Variants in FILIP1 observed in about 807,000 individuals in gnomAD.
FILIP1 encodes filamin-A-interacting protein 1.
A neutral mutation model predicts 102.1 loss-of-function variants in FILIP1; 61 were observed. That is an observed-to-expected ratio of 0.60 (90% CI 0.49 to 0.74). The LOEUF (loss-of-function observed/expected upper bound fraction) is 0.74, where lower values mean the gene tolerates loss of function less well. Among genes scored for constraint, FILIP1 ranks in the 30% least tolerant of loss-of-function variants. The pLI is 0.00. For missense variants in FILIP1, 1,314 were observed against 1,441.2 expected, an observed-to-expected ratio of 0.91 and a Z score of 1.43; for synonymous variants, 491 against 526.9, an observed-to-expected ratio of 0.93 and a Z score of 0.93.
At chr6:75,481,196 G>A (rs964785876) in intron 1 of FILIP1, among the ~76,000 whole-genome samples, 2 of 152,118 alleles carry the variant, frequency 1.3e-5, no homozygotes, top group African/African-American at 4.8e-5. Context: ...ACTTGGTGTT[G>A]AAATTGCCAT....
At chr6:75,307,551 T>C (rs573172209), downstream of FILIP1, among the ~76,000 whole-genome samples, 1 of 152,342 alleles carries the variant, frequency 6.6e-6, no homozygotes, top group East Asian at 1.9e-4. Flanking sequence ...AACTCGTTTG[T>C]GGTTATGTGG....
intron 2 of FILIP1, among the ~76,000 whole-genome samples, chr6:75,412,995 T>C (rs1777128649): frequency 6.6e-6 from 1 of 152,214 alleles, no homozygotes; most frequent in Non-Finnish European, 1.5e-5. Flanking sequence ...ATGCATTTCT[T>C]TGGAGCCATC....
At position 75,312,589 on chromosome 6, in the gene FILIP1, A is replaced by C. The variant is rs778327637; in HGVS notation, c.3243T>G (p.Thr1081=). The change falls in exon 5 of 6, where the codon ACT becomes ACG. Residue 1081 remains threonine (T), a synonymous_variant. Coordinates refer to ENST00000237172, the MANE Select transcript of FILIP1 (RefSeq NM_015687.5). ...TAACTGGACTGACTCCTTCACCTGA[A>C]GTCCCAGGGGACCGTTTAAACTGAG... ...LGSQFKRSPG[T]SGEGVSPVIT... The C allele has an allele frequency of 6.2e-7, 1 of 1,614,080 alleles. No individual in the cohort carries two copies. The highest frequency in any genetic ancestry group is 1.3e-5 in the African/African-American group (1 of 74,930).
At chr6:75,417,731 A>G (rs1478037055) in intron 1 of FILIP1, among the ~76,000 whole-genome samples, 3 of 152,224 alleles carry the variant, frequency 2.0e-5, no homozygotes, top group African/African-American at 7.2e-5. Flanking sequence ...AATAAATTAA[A>G]TATCTTTTCC....
At chr6:75,346,967 A>G (rs1336132076) in intron 4 of FILIP1, among the ~76,000 whole-genome samples, 1 of 150,852 alleles carries the variant, frequency 6.6e-6, no homozygotes, top group Non-Finnish European at 1.5e-5. Context: ...AATTTCCTTC[A>G]TCAGTGGGAT....
chr6:75,377,874 C>G (rs1775795156), intron 2 of FILIP1, among the ~76,000 whole-genome samples: 1 of 152,188 alleles, frequency 6.6e-6, no homozygotes, highest in South Asian at 2.1e-4. Flanking sequence ...AAATTTCTGT[C>G]AAATCTCTCC....
intron 4 of FILIP1, among the ~76,000 whole-genome samples, chr6:75,345,760 G>A (rs1210015162): frequency 6.6e-6 from 1 of 152,046 alleles, no homozygotes; most frequent in Non-Finnish European, 1.5e-5. Flanking sequence ...AGAGACAGCT[G>A]CTCTCCTCTC....
intron 4 of FILIP1, chr6:75,320,084 C>A: frequency 4.5e-6 from 1 of 224,656 alleles, no homozygotes; most frequent in Admixed American, 4.7e-5. Flanking sequence ...AATGGCTGTC[C>A]CAACTTATAA....
At chr6:75,318,886 A>G (rs1773536295) in intron 4 of FILIP1, among the ~76,000 whole-genome samples, 1 of 152,136 alleles carries the variant, frequency 6.6e-6, no homozygotes, top group African/African-American at 2.4e-5. Context: ...TAGAGTGTTA[A>G]CTATACAAAA....
chr6:75,397,138 A>G (rs1776488935), intron 2 of FILIP1, among the ~76,000 whole-genome samples: 2 of 152,138 alleles, frequency 1.3e-5, no homozygotes, highest in South Asian at 4.1e-4. Flanking sequence ...CACGTTGTGC[A>G]CATGTACCCT....
chr6:75,299,343 G>GACA (rs1204612482), intron 6 of FILIP1, among the ~76,000 whole-genome samples: 2 of 152,068 alleles, frequency 1.3e-5, no homozygotes, highest in African/African-American at 4.8e-5. Flanking sequence ...TCTTCTTACA[G>GACA]ATACCACTCT....
intron 6 of FILIP1, among the ~76,000 whole-genome samples, chr6:75,296,121 C>T (rs540082696): frequency 8.5e-5 from 13 of 152,228 alleles, no homozygotes; most frequent in African/African-American, 3.1e-4. Context: ...TTTATATTGG[C>T]GTATGTACTT....
intron 2 of FILIP1, among the ~76,000 whole-genome samples, chr6:75,364,636 A>G (rs1213571209): frequency 6.6e-6 from 1 of 152,206 alleles, no homozygotes; most frequent in Non-Finnish European, 1.5e-5. Flanking sequence ...AAAAATCCCA[A>G]GGCCCAGGCC....
At chr6:75,357,698 C>T (rs1173364885) in intron 3 of FILIP1, among the ~76,000 whole-genome samples, 1 of 152,154 alleles carries the variant, frequency 6.6e-6, no homozygotes, top group Non-Finnish European at 1.5e-5. Flanking sequence ...TTTTAGGTGT[C>T]AATTTTAAGT....
At chr6:75,412,810 T>A (rs1777123908) in intron 2 of FILIP1, among the ~76,000 whole-genome samples, 1 of 152,206 alleles carries the variant, frequency 6.6e-6, no homozygotes, top group African/African-American at 2.4e-5. Flanking sequence ...ATTATCTGCT[T>A]TGCAAATGAA....
chr6:75,364,590 A>G (rs1368581086), intron 2 of FILIP1, among the ~76,000 whole-genome samples: 7 of 152,172 alleles, frequency 4.6e-5, no homozygotes, highest in Non-Finnish European at 1.0e-4. Context: ...AATGATTCAC[A>G]ATGCTGACTG....
chr6:75,415,039 CTAAA>C, intron 1 of FILIP1, 61 bp from the exon 2 acceptor site: 1 of 1,493,034 alleles, frequency 6.7e-7, no homozygotes, highest in Non-Finnish European at 9.1e-7. Context: ...TTATTTTTGC[CTAAA>C]TACTTAGAAA....
intron 3 of FILIP1, among the ~76,000 whole-genome samples, chr6:75,359,991 GAA>G (rs1775124260): frequency 6.6e-6 from 1 of 152,198 alleles, no homozygotes; most frequent in African/African-American, 2.4e-5. Flanking sequence ...TAGACTTTAC[GAA>G]AAGACAGGAA....
chr6:75,407,665 A>G lies in FILIP1; in HGVS notation c.276+7032T>C, dbSNP rs560303633. Among the ~76,000 whole-genome samples, 3 of 152,334 alleles carry G rather than the reference A, an allele frequency of 2.0e-5. No individual in the cohort carries two copies. The East Asian group carries it at 5.8e-4, about 29-fold the overall frequency. ...ACTTAGCCTGGAAAATACCAACGCC[A>G]AATGGAATAGTGGTGCACTATCCAG... On this transcript the variant is annotated intron_variant, in intron 2 of 5. Transcript: ENST00000237172.
Sources: gnomAD v4.1 joint callset for allele counts (sites outside exome capture counted in the v4.1 genomes callset) on GRCh38, gnomAD v4.1.1 for gene constraint, MANE v1.5 for transcripts, NCBI Gene and HGNC (gene_info 2026-07-23, HGNC 2026-07-21) for gene names.